CYYR1: variants seen among roughly 807,000 people sequenced by gnomAD.
The protein encoded by CYYR1 is cysteine and tyrosine rich 1, also known as cysteine and tyrosine-rich protein 1.
CYYR1 carries 14 observed loss-of-function variants against 15.2 expected under a neutral mutation model. That is an observed-to-expected ratio of 0.92 (90% CI 0.61 to 1.44). The LOEUF is 1.44. Among genes scored for constraint, CYYR1 ranks in the 40% most tolerant of loss-of-function variants. The pLI is 0.00. For synonymous variants in CYYR1, 80 were observed against 77.4 expected (o/e 1.03, Z -0.18); for missense variants, 228 against 209.5 (o/e 1.09, Z -0.54).
chr21:26,499,834 T>C (rs1314500825), intron 2 of CYYR1, among the ~76,000 whole-genome samples: 2 of 151,588 alleles, frequency 1.3e-5, no homozygotes, highest in East Asian at 3.9e-4. Flanking sequence ...GAACACATTT[T>C]TGTTTTTTTT....
intron 2 of CYYR1, among the ~76,000 whole-genome samples, chr21:26,507,216 A>G (rs1259090140): frequency 6.6e-6 from 1 of 152,206 alleles, no homozygotes; most frequent in African/African-American, 2.4e-5. Flanking sequence ...TTACAACAGC[A>G]TATTATTGCA....
chr21:26,538,829 G>A (rs2123637318), intron 2 of CYYR1, among the ~76,000 whole-genome samples: 1 of 152,276 alleles, frequency 6.6e-6, no homozygotes, highest in East Asian at 1.9e-4. Context: ...CTAGGATCCT[G>A]TTTTAGACTT....
At chr21:26,545,169 A>G (rs1978872206) in intron 2 of CYYR1, among the ~76,000 whole-genome samples, 1 of 152,078 alleles carries the variant, frequency 6.6e-6, no homozygotes, top group Non-Finnish European at 1.5e-5. Flanking sequence ...ATATTTTATT[A>G]CAAATAAAAA....
rs2064992778 is a variant in CYYR1 at position 26,468,355 on chromosome 21, T to A, written c.*146A>T. ...CTTTGAGCAGAGTAGAAATCCTATA[T>A]CTCCTAGCAGGGATATTCCACCTGA... On this transcript the variant is annotated 3_prime_UTR_variant, in exon 4 of 4. Coordinates refer to ENST00000652641, the MANE Select transcript of CYYR1 (RefSeq NM_001320768.2). The A allele has an allele frequency of 2.8e-6, 2 of 704,358 alleles. No homozygotes were observed. Among genetic ancestry groups the A allele is most frequent in the Non-Finnish European group, 2.6e-6 (1 of 385,516 alleles). 43.6% of individuals were successfully genotyped at this position (704,358 alleles called of 1,614,324 possible).
chr21:26,483,499 A>G (rs2065211461), intron 2 of CYYR1: 1 of 845,278 alleles, frequency 1.2e-6, no homozygotes, highest in African/African-American at 1.8e-5. Flanking sequence ...AGAACAGGAC[A>G]AACTGAGATC....
chr21:26,551,933 G>A (rs1426844579), intron 2 of CYYR1: 1 of 153,494 alleles, frequency 6.5e-6, no homozygotes, highest in Non-Finnish European at 1.4e-5. Flanking sequence ...ATGAAAGGAG[G>A]AGTCAACTGA....
intron 2 of CYYR1, among the ~76,000 whole-genome samples, chr21:26,491,974 C>T (rs1296720566): frequency 1.3e-5 from 2 of 152,190 alleles, no homozygotes; most frequent in Non-Finnish European, 2.9e-5. Flanking sequence ...TCTCACAAGC[C>T]TGAGGCTGCC....
intron 2 of CYYR1, among the ~76,000 whole-genome samples, chr21:26,511,424 A>G (rs888791312): frequency 2.0e-5 from 3 of 152,220 alleles, no homozygotes; most frequent in East Asian, 3.8e-4. Flanking sequence ...ACATAGTTCT[A>G]CTGTGATGAA....
Position 26,503,022 on chromosome 21 carries a change from A to G in CYYR1, c.177-22593T>C, listed in dbSNP as rs184098916. Among the ~76,000 whole-genome samples, 402 of 152,310 alleles carry G rather than the reference A, an allele frequency of 2.6e-3. 1 individual carries two copies. The highest frequency in any genetic ancestry group is 3.5e-3 in the Non-Finnish European group (240 of 68,026). Reference sequence around the variant, plus strand: ...ACTTGATTTTGGAGTTAGGTGGGACAAGGAAAATGCAAGTAGATGGAACTC... The same window carrying G: ...ACTTGATTTTGGAGTTAGGTGGGACGAGGAAAATGCAAGTAGATGGAACTC... On this transcript the variant is annotated intron_variant, in intron 2 of 3. Transcript: ENST00000652641.
intron 3 of CYYR1, chr21:26,471,569 G>T (rs1047249347): frequency 1.3e-5 from 2 of 152,124 alleles, no homozygotes; most frequent in Admixed American, 6.6e-5. Flanking sequence ...TGAGGACTAC[G>T]CATCAAGATA....
At chr21:26,546,893 G>A (rs372109731) in intron 2 of CYYR1, among the ~76,000 whole-genome samples, 3 of 152,082 alleles carry the variant, frequency 2.0e-5, no homozygotes, top group African/African-American at 7.2e-5. Context: ...GTGGCTCGAC[G>A]CTGCTTCAGA....
At chr21:26,497,407 A>G (rs904050418) in intron 2 of CYYR1, among the ~76,000 whole-genome samples, 3 of 152,224 alleles carry the variant, frequency 2.0e-5, no homozygotes, top group Admixed American at 2.0e-4. Context: ...TCATTCTATA[A>G]GAAAGACAAG....
intron 2 of CYYR1, among the ~76,000 whole-genome samples, chr21:26,505,342 A>G (rs1389797443): frequency 5.9e-5 from 9 of 152,222 alleles, no homozygotes; most frequent in Admixed American, 5.2e-4. Context: ...GTTGCAAAGA[A>G]AGATGTGCTT....
intron 2 of CYYR1, among the ~76,000 whole-genome samples, chr21:26,534,683 T>C (rs780724310): frequency 1.6e-4 from 24 of 152,262 alleles, no homozygotes; most frequent in Non-Finnish European, 3.4e-4. Flanking sequence ...TTTTCGTAAC[T>C]GTTCCCTCCC....
At chr21:26,496,466 TA>T (rs1400826436) in intron 2 of CYYR1, among the ~76,000 whole-genome samples, 2 of 152,226 alleles carry the variant, frequency 1.3e-5, no homozygotes, top group East Asian at 1.9e-4. Flanking sequence ...ATATTGCTAT[TA>T]TTTTTTTCTC....
chr21:26,543,743 T>TA (rs1394892834), intron 2 of CYYR1, among the ~76,000 whole-genome samples: 2 of 151,862 alleles, frequency 1.3e-5, no homozygotes, highest in African/African-American at 2.4e-5. Context: ...CCGTCTCTAT[T>TA]AAAAAATACA....
intron 2 of CYYR1, among the ~76,000 whole-genome samples, chr21:26,482,078 A>AT (rs2065188817): frequency 6.6e-6 from 1 of 151,828 alleles, no homozygotes; most frequent in Non-Finnish European, 1.5e-5. Context: ...ATTATTTTAT[A>AT]TTTTTTGTTT....
chr21:26,557,497 CCCA>C (rs1264402752), intron 2 of CYYR1, among the ~76,000 whole-genome samples: 14 of 152,024 alleles, frequency 9.2e-5, no homozygotes, highest in African/African-American at 3.4e-4. Context: ...ATTGATTGTC[CCCA>C]CCACCACAAG....
chr21:26,469,633 A>G (rs747815523), intron 3 of CYYR1, among the ~76,000 whole-genome samples: 2 of 152,122 alleles, frequency 1.3e-5, no homozygotes, highest in Non-Finnish European at 2.9e-5. Context: ...TATGCTGGGA[A>G]CATTTAGTAT....
Sources: gnomAD v4.1 joint callset for allele counts (sites outside exome capture counted in the v4.1 genomes callset) on GRCh38, gnomAD v4.1.1 for gene constraint, MANE v1.5 for transcripts, NCBI Gene and HGNC (gene_info 2026-07-23, HGNC 2026-07-21) for gene names.